The following TENM2 variants were observed in gnomAD, a reference collection of about 807,000 sequenced individuals.
The protein encoded by TENM2 is teneurin transmembrane protein 2.
TENM2 carries 52 observed loss-of-function variants against 245.2 expected under a neutral mutation model. The ratio of observed to expected loss-of-function variants is 0.21; its 90% CI spans 0.17 to 0.27. The LOEUF (loss-of-function observed/expected upper bound fraction) is 0.27, where lower values mean the gene tolerates loss of function less well. Ranked by LOEUF, TENM2 falls within the 10% of genes least tolerant of loss-of-function variation. TENM2 has a pLI of 1.00. For missense variants in TENM2, 3,046 were observed against 3,666.8 expected (o/e 0.83, Z 4.37); for synonymous variants, 1,363 against 1,438.9 (o/e 0.95, Z 1.19).
At chr5:167,258,000 C>T in the TENM2 span, among the ~76,000 whole-genome samples, 3 of 151,390 alleles carry the variant, frequency 2.0e-5, no homozygotes, top group Admixed American at 6.6e-5. Flanking sequence ...ATAGTGGGGA[C>T]GGGGGAGGAA....
chr5:167,087,844 C>T, the TENM2 span, among the ~76,000 whole-genome samples: 1 of 151,394 alleles, frequency 6.6e-6, no homozygotes, highest in African/African-American at 2.4e-5. Context: ...GGCTGGAGTG[C>T]AGTGGCACAA....
At chr5:167,475,426 T>C (rs1019458917) in intron 2 of TENM2, among the ~76,000 whole-genome samples, 1 of 152,184 alleles carries the variant, frequency 6.6e-6, no homozygotes, top group Non-Finnish European at 1.5e-5. Flanking sequence ...ATAAACCCAT[T>C]ACACAGTAAC....
chr5:168,121,324 C>T (rs1795453133), intron 10 of TENM2, among the ~76,000 whole-genome samples: 1 of 152,208 alleles, frequency 6.6e-6, no homozygotes, highest in East Asian at 1.9e-4. Flanking sequence ...CGTAAAATGC[C>T]ATAGTCCCTC....
chr5:167,369,215 C>T (rs982236913), intron 1 of TENM2, among the ~76,000 whole-genome samples: 1 of 152,134 alleles, frequency 6.6e-6, no homozygotes, highest in Non-Finnish European at 1.5e-5. Context: ...TCTACCTTGT[C>T]CTGTCCCATT....
In TENM2 at chr5:167,366,314, A is replaced by G. The variant is rs565251971; in HGVS notation, c.227-8884A>G. ...CATTCCTAGAAAATTTATTGTTCCT[A>G]AATTTTCTAAATCAACTCATGACAA... On this transcript the variant is annotated intron_variant, in intron 1 of 28. Coordinates refer to ENST00000518659, the Ensembl canonical transcript of TENM2. 1.2e-4 allele frequency among the ~76,000 whole-genome samples: 19 copies of G among 152,308 alleles called. No homozygotes were observed. The East Asian group carries it at 3.3e-3, about 26-fold the overall frequency.
At chr5:167,758,730 G>A (rs755606550) in intron 2 of TENM2, among the ~76,000 whole-genome samples, 8 of 151,812 alleles carry the variant, frequency 5.3e-5, no homozygotes, top group East Asian at 1.9e-4. Context: ...GAAAAAATTC[G>A]CTGATTTTCT....
At chr5:167,469,995 C>G (rs563971970) in intron 2 of TENM2, among the ~76,000 whole-genome samples, 12 of 152,204 alleles carry the variant, frequency 7.9e-5, no homozygotes, top group African/African-American at 2.2e-4. Flanking sequence ...CCAGATATAA[C>G]TCACTTCAAA....
At chr5:167,544,577 G>A (rs1772430086) in intron 2 of TENM2, among the ~76,000 whole-genome samples, 1 of 152,020 alleles carries the variant, frequency 6.6e-6, no homozygotes, top group Admixed American at 6.6e-5. Flanking sequence ...TGAATGTTTA[G>A]ACCCTGCCTA....
intron 13 of TENM2, among the ~76,000 whole-genome samples, chr5:168,165,547 C>A (rs560487249): frequency 1.3e-5 from 2 of 151,202 alleles, no homozygotes; most frequent in African/African-American, 4.9e-5. Flanking sequence ...AGCTTCCACC[C>A]GGCCAAAACC....
intron 5 of TENM2, among the ~76,000 whole-genome samples, chr5:167,993,852 C>T (rs974546548): frequency 1.3e-5 from 2 of 152,246 alleles, no homozygotes; most frequent in Non-Finnish European, 2.9e-5. Context: ...TCTGGTGACT[C>T]AGTGTATGAC....
intron 5 of TENM2, among the ~76,000 whole-genome samples, chr5:168,026,064 T>C (rs1786597163): frequency 6.6e-6 from 1 of 151,548 alleles, no homozygotes; most frequent in African/African-American, 2.4e-5. Flanking sequence ...GGAGTGCTTA[T>C]ATTTCTTTGC....
chr5:167,240,644 C>A, the TENM2 span, among the ~76,000 whole-genome samples: 1 of 149,210 alleles, frequency 6.7e-6, no homozygotes, highest in Non-Finnish European at 1.5e-5. Flanking sequence ...CGTCTTTTCA[C>A]GTTTTGGTTT....
chr5:167,148,196 G>T, the TENM2 span, among the ~76,000 whole-genome samples: 1 of 152,284 alleles, frequency 6.6e-6, no homozygotes, highest in Non-Finnish European at 1.5e-5. Context: ...ACCCTGCATT[G>T]AATAAATATG....
At chr5:167,624,212 T>C (rs1001792969) in intron 2 of TENM2, among the ~76,000 whole-genome samples, 1 of 152,140 alleles carries the variant, frequency 6.6e-6, no homozygotes. Flanking sequence ...CTGTGGAACA[T>C]ATATACCATG....
At chr5:167,905,650 T>G (rs1270996043) in intron 3 of TENM2, among the ~76,000 whole-genome samples, 1 of 152,106 alleles carries the variant, frequency 6.6e-6, no homozygotes, top group African/African-American at 2.4e-5. Context: ...ATAGGAGAAT[T>G]TGGGATATCT....
At chr5:167,072,488 GA>G in the TENM2 span, among the ~76,000 whole-genome samples, 845 of 152,330 alleles carry the variant, frequency 5.5e-3, 4 homozygotes, top group Non-Finnish European at 8.2e-3. Context: ...GTCTGTTGAT[GA>G]AGTTGAGACA....
chr5:167,282,038 C>T (rs1004776428), upstream of TENM2, among the ~76,000 whole-genome samples: 3 of 150,526 alleles, frequency 2.0e-5, no homozygotes, highest in Admixed American at 6.6e-5. Flanking sequence ...AGCCTTTAAG[C>T]TTCCACTCTG....
At chr5:168,200,037 G>A in exon 17 of TENM2, 1 of 1,613,966 alleles carries the variant, frequency 6.2e-7, no homozygotes, top group Non-Finnish European at 8.5e-7. Flanking sequence ...TCTTCCAGAA[G>A]TCATTCCAGG....
chr5:167,873,260 A>G (rs907378988), intron 2 of TENM2, among the ~76,000 whole-genome samples: 14 of 152,246 alleles, frequency 9.2e-5, no homozygotes, highest in Admixed American at 9.2e-4. Flanking sequence ...GGTTATTCAA[A>G]GAAATGTTTC....
Sources: gnomAD v4.1 joint callset for allele counts (sites outside exome capture counted in the v4.1 genomes callset) on GRCh38, gnomAD v4.1.1 for gene constraint, MANE v1.5 for transcripts, NCBI Gene and HGNC (gene_info 2026-07-23, HGNC 2026-07-21) for gene names.